The following LRRC9 variants were observed in gnomAD, a reference collection of about 807,000 sequenced individuals.
The protein encoded by LRRC9 is leucine rich repeat containing 9.
LRRC9 carries 122 observed loss-of-function variants against 63.2 expected under a neutral mutation model. The observed-to-expected ratio is 1.93, with a 90% CI of 1.67 to 2.24. The LOEUF (loss-of-function observed/expected upper bound fraction) is 2.24, where lower values mean the gene tolerates loss of function less well. LRRC9 is among the 30% of genes most tolerant of loss of function. The probability of loss-of-function intolerance (pLI) is 0.00; values close to 1 mark genes in which losing one functional copy is unlikely to be tolerated. For missense variants in LRRC9, 1,071 were observed against 627.7 expected, an observed-to-expected ratio of 1.71 and a Z score of -7.55; for synonymous variants, 366 against 213.1, an observed-to-expected ratio of 1.72 and a Z score of -6.25.
Position 59,962,587 on chromosome 14 carries a change from G to A in LRRC9, c.1211+1542G>A, listed in dbSNP as rs1884457702. Among the ~76,000 whole-genome samples, 1 of 152,062 alleles carries A rather than the reference G, an allele frequency of 6.6e-6. No homozygotes were observed. Among genetic ancestry groups the A allele is most frequent in the South Asian group, 2.1e-4 (1 of 4,820 alleles). On this transcript the variant is annotated intron_variant, in intron 10 of 31. Coordinates refer to ENST00000445360, the Ensembl canonical transcript of LRRC9. This position sits in a 1 kb window ranked among gnomAD's most constrained non-coding sequence, Gnocchi z 5.1. ...CCCACTAATTTTTGTATTTTTAGTGGAGACGGGGTTTTGCCATGTTGGCCA... is the reference window on the plus strand; with the variant it reads ...CCCACTAATTTTTGTATTTTTAGTGAAGACGGGGTTTTGCCATGTTGGCCA...
At position 59,922,125 on chromosome 14, in the gene LRRC9, G is replaced by A. The variant is rs1888837934; in HGVS notation, c.-34+2242G>A. Among the ~76,000 whole-genome samples, 1 of 151,664 alleles carries A rather than the reference G, an allele frequency of 6.6e-6. No homozygotes were observed. Among genetic ancestry groups the A allele is most frequent in the South Asian group, 2.1e-4 (1 of 4,802 alleles). On this transcript the variant is annotated intron_variant, in intron 1 of 31. Transcript: ENST00000445360. This position sits in a 1 kb window ranked among gnomAD's most constrained non-coding sequence, Gnocchi z 5.3. The stretch of plus-strand genomic sequence containing the variant: ...AATAAATAAGAAAGAAAAAAGAAAA[G>A]AAGAAAAGCACAAAGTAAGTTTGAA...
At chr14:60,025,037 T>C (rs1362058970) in intron 27 of LRRC9, among the ~76,000 whole-genome samples, 1 of 151,868 alleles carries the variant, frequency 6.6e-6, no homozygotes, top group Non-Finnish European at 1.5e-5. Context: ...ATTTTTGTTT[T>C]TGTGTTTTTT....
intron 8 of LRRC9, among the ~76,000 whole-genome samples, chr14:59,955,002 C>A (rs1032472544): frequency 6.6e-6 from 1 of 152,118 alleles, no homozygotes; most frequent in African/African-American, 2.4e-5. Context: ...CTGACTTGAT[C>A]GTGGTGGATA....
At chr14:59,991,836 C>T (rs1259641069) in intron 17 of LRRC9, among the ~76,000 whole-genome samples, 1 of 152,192 alleles carries the variant, frequency 6.6e-6, no homozygotes, top group Non-Finnish European at 1.5e-5. Context: ...GCGTGGAGCC[C>T]ACCACAGCTC....
chr14:59,938,776 T>C lies in LRRC9; in HGVS notation c.726+204T>C, dbSNP rs1881324353. On this transcript the variant is annotated intron_variant, in intron 7 of 31. Transcript: ENST00000445360. The surrounding 1 kb of genome is among the most constrained non-coding windows in gnomAD (Gnocchi z 4.2). ...AGAATCTTAATTTTGATGACAGTAC[T>C]GGAAGGTGAAATAATAGAATAATAA... 6.6e-6 allele frequency among the ~76,000 whole-genome samples: 1 copy of C among 150,912 alleles called. No individual in the cohort carries two copies. Among genetic ancestry groups the C allele is most frequent in the South Asian group, 2.1e-4 (1 of 4,814 alleles).
At chr14:59,975,396 G>A (rs1886161824) in intron 13 of LRRC9, among the ~76,000 whole-genome samples, 1 of 151,582 alleles carries the variant, frequency 6.6e-6, no homozygotes, top group South Asian at 2.1e-4. Flanking sequence ...TCTTATATAA[G>A]ATAATTTTTT....
chr14:60,061,898 T>C, intron 31 of LRRC9, 113 bp from the exon 32 acceptor site: 1 of 395,694 alleles, frequency 2.5e-6, no homozygotes, highest in African/African-American at 2.1e-5. Context: ...AAACATGTAT[T>C]GCATACATTC....
At position 59,998,128 on chromosome 14, in the gene LRRC9, C is replaced by T. The variant is rs143094838; in HGVS notation, c.2403+281C>T. Among the ~76,000 whole-genome samples the T allele has an allele frequency of 8.7e-4, 133 of 152,078 alleles. 1 individual carries two copies. Among genetic ancestry groups the T allele is most frequent in the African/African-American group, 3.1e-3 (127 of 41,520 alleles). On this transcript the variant is annotated intron_variant, in intron 18 of 31. Transcript: ENST00000445360. Reference sequence around the variant, plus strand: ...ATTGATGTCATTGCCATTTGCAAACCTCCAGATATTTTATATAGTTCAGTG... The same window carrying T: ...ATTGATGTCATTGCCATTTGCAAACTTCCAGATATTTTATATAGTTCAGTG...
At position 59,930,181 on chromosome 14, in the gene LRRC9, T is replaced by C. The variant is rs1258746398; in HGVS notation, c.268-737T>C. On this transcript the variant is annotated intron_variant, in intron 3 of 31. Coordinates refer to ENST00000445360, the Ensembl canonical transcript of LRRC9. This position sits in a 1 kb window ranked among gnomAD's most constrained non-coding sequence, Gnocchi z 4.9. ...TAATCAAATCATAACCAGTACTACG[T>C]AGTAATAAAATTGGTCCACTTAGAC... Among the ~76,000 whole-genome samples the C allele has an allele frequency of 6.6e-6, 1 of 152,030 alleles. No homozygotes were observed. The highest frequency in any genetic ancestry group is 1.9e-4 in the East Asian group (1 of 5,202).
At chr14:60,066,449 G>A (rs947935468), downstream of LRRC9, among the ~76,000 whole-genome samples, 4 of 151,916 alleles carry the variant, frequency 2.6e-5, no homozygotes, top group African/African-American at 4.8e-5. Context: ...AAGCACTTAC[G>A]GCCAAATTCC....
chr14:60,051,641 G>A lies in LRRC9; in HGVS notation c.3991-1424G>A, dbSNP rs925207479. ...GCCATGAAACTGAGGCCTGCAGACCGACACTGCTTGGCTCCCTGGATTCAA... is the reference window on the plus strand; with the variant it reads ...GCCATGAAACTGAGGCCTGCAGACCAACACTGCTTGGCTCCCTGGATTCAA... On this transcript the variant is annotated intron_variant, in intron 29 of 31. Transcript: ENST00000445360. The surrounding 1 kb of genome is among the most constrained non-coding windows in gnomAD (Gnocchi z 4.7). Among the ~76,000 whole-genome samples the A allele has an allele frequency of 6.6e-6, 1 of 152,162 alleles. No individual in the cohort carries two copies. Among genetic ancestry groups the A allele is most frequent in the Non-Finnish European group, 1.5e-5 (1 of 68,032 alleles).
exon 5 of LRRC9, chr14:59,931,624 G>A (rs900186112): frequency 1.4e-6 from 1 of 698,126 alleles, no homozygotes. Context: ...TTTAGGGTTT[G>A]CAAACTTTGA....
At chr14:60,025,445 C>T (rs1891468018) in intron 27 of LRRC9, among the ~76,000 whole-genome samples, 1 of 151,836 alleles carries the variant, frequency 6.6e-6, no homozygotes, top group African/African-American at 2.4e-5. Flanking sequence ...AAGCAGACCA[C>T]CTAACCCTGT....
At chr14:59,983,080 T>C (rs1444048229) in intron 16 of LRRC9, among the ~76,000 whole-genome samples, 1 of 152,220 alleles carries the variant, frequency 6.6e-6, no homozygotes, top group Non-Finnish European at 1.5e-5. Flanking sequence ...GATCTGCTGC[T>C]ACCACTCTAT....
chr14:59,992,199 CAG>C (rs1467177428), intron 17 of LRRC9, among the ~76,000 whole-genome samples: 3 of 152,204 alleles, frequency 2.0e-5, no homozygotes, highest in Non-Finnish European at 4.4e-5. Flanking sequence ...CCCAGGCAAA[CAG>C]GGTCTGGAGT....
chr14:59,943,094 A>G (rs1881966242), intron 7 of LRRC9, among the ~76,000 whole-genome samples: 1 of 151,948 alleles, frequency 6.6e-6, no homozygotes, highest in Non-Finnish European at 1.5e-5. Flanking sequence ...GTAGTTTGCA[A>G]ATATTTTCTC....
chr14:59,996,536 G>T (rs995746741), intron 17 of LRRC9, among the ~76,000 whole-genome samples: 7 of 152,056 alleles, frequency 4.6e-5, no homozygotes, highest in Admixed American at 3.3e-4. Flanking sequence ...TTACAAACAA[G>T]TAAGATGAAG....
chr14:59,980,825 C>G (rs542370786), intron 15 of LRRC9, among the ~76,000 whole-genome samples: 1 of 152,290 alleles, frequency 6.6e-6, no homozygotes, highest in South Asian at 2.1e-4. Flanking sequence ...ATTTAACTCA[C>G]ATAACAACTC....
exon 3 of LRRC9, chr14:59,928,337 T>C (rs1441464644): frequency 1.8e-5 from 12 of 681,980 alleles, no homozygotes. Context: ...GTTGGAGATG[T>C]TTTTCTTAGG....
Sources: gnomAD v4.1 joint callset for allele counts (sites outside exome capture counted in the v4.1 genomes callset) on GRCh38, gnomAD v4.1.1 for gene constraint, Gnocchi (gnomAD v3.1) non-coding constraint, MANE v1.5 for transcripts, NCBI Gene and HGNC (gene_info 2026-07-23, HGNC 2026-07-21) for gene names.